Variants in COL6A5 observed in about 807,000 individuals in gnomAD.
COL6A5 encodes collagen alpha-5(VI) chain.
In COL6A5, 48 loss-of-function variants were observed where a neutral mutation model predicts 65.6. The ratio of observed to expected loss-of-function variants is 0.73; its 90% CI spans 0.58 to 0.93. The LOEUF is 0.93. Among genes scored for constraint, COL6A5 ranks in the 40% least tolerant of loss-of-function variants. The probability of loss-of-function intolerance (pLI) is 0.00; values close to 1 mark genes in which losing one functional copy is unlikely to be tolerated. For synonymous variants in COL6A5, 291 were observed against 322.8 expected (o/e 0.90, Z 1.05); for missense variants, 914 against 928.3 (o/e 0.98, Z 0.20).
At position 130,406,327 on chromosome 3, in the gene COL6A5, A is replaced by G. The variant is rs59629559; in HGVS notation, c.4479+6A>G. On this transcript the variant is annotated splice_donor_region_variant and intron_variant and NMD_transcript_variant, in intron 17 of 41. Coordinates refer to the COL6A5 transcript ENST00000312481. ...AAGGTGATCCAGGATCTCAGGTAAC[A>G]CTTTTCTTTTCAATACTTCAAAGAA... is the stretch of plus-strand genomic sequence containing the variant. 1,459 of 1,546,008 alleles carry G rather than the reference A, an allele frequency of 9.4e-4. 11 individuals are homozygous for G. In the African/African-American group the frequency reaches 0.017, roughly 18 times the overall value.
exon 6 of COL6A5, chr3:130,468,890 A>T (rs367822530): frequency 2.5e-5 from 41 of 1,612,164 alleles, no homozygotes; most frequent in Non-Finnish European, 3.5e-5. Flanking sequence ...GGCTTTCCTC[A>T]TAGATGCTTC....
chr3:130,400,085 T>C (rs1936766954), intron 10 of COL6A5, among the ~76,000 whole-genome samples: 1 of 152,190 alleles, frequency 6.6e-6, no homozygotes, highest in African/African-American at 2.4e-5. Context: ...ACAGCCTCAC[T>C]TCTCTCCGTC....
chr3:130,458,274 A>G (rs1338389512), intron 5 of COL6A5, among the ~76,000 whole-genome samples: 2 of 152,126 alleles, frequency 1.3e-5, no homozygotes, highest in East Asian at 3.9e-4. Context: ...CAGATTCCTA[A>G]GCCCTCCTGA....
chr3:130,465,758 C>T (rs191485351), intron 5 of COL6A5, among the ~76,000 whole-genome samples: 10 of 152,078 alleles, frequency 6.6e-5, no homozygotes, highest in East Asian at 1.9e-4. Flanking sequence ...CAAACCACAA[C>T]GGACACAGAT....
chr3:130,426,801 T>C (rs1433758789), upstream of COL6A5, among the ~76,000 whole-genome samples: 1 of 151,134 alleles, frequency 6.6e-6, no homozygotes, highest in Admixed American at 6.6e-5. Context: ...TGCATGGGGG[T>C]AACTGAATCC....
At chr3:130,374,213 T>G (rs947243915) in intron 2 of COL6A5, among the ~76,000 whole-genome samples, 4 of 152,166 alleles carry the variant, frequency 2.6e-5, no homozygotes, top group Admixed American at 2.6e-4. Context: ...GTAAACATCA[T>G]AGAGTATACT....
exon 4 of COL6A5, chr3:130,443,554 A>G: frequency 6.2e-7 from 1 of 1,603,826 alleles, no homozygotes; most frequent in African/African-American, 1.3e-5. Context: ...AATATTCAAA[A>G]TGATGGTTTC....
chr3:130,413,671 A>T, intron 21 of COL6A5, 91 bp downstream of exon 21: 1 of 1,292,636 alleles, frequency 7.7e-7, no homozygotes, highest in East Asian at 2.5e-5. Context: ...ATCAATGAGC[A>T]TTTTACAAGG....
At chr3:130,400,576 G>A (rs1936781339) in intron 10 of COL6A5, among the ~76,000 whole-genome samples, 1 of 152,168 alleles carries the variant, frequency 6.6e-6, no homozygotes, top group Non-Finnish European at 1.5e-5. Flanking sequence ...TGTTCTCAGG[G>A]CTTGGCCTCC....
chr3:130,401,098 T>A (rs1405988062), exon 11 of COL6A5: 16 of 1,551,160 alleles, frequency 1.0e-5, no homozygotes, highest in Non-Finnish European at 1.4e-5. Flanking sequence ...GCTTTGAATT[T>A]GGAAAAAGAT....
At chr3:130,447,641 A>G (rs1709339735) in intron 4 of COL6A5, among the ~76,000 whole-genome samples, 1 of 152,178 alleles carries the variant, frequency 6.6e-6, no homozygotes, top group South Asian at 2.1e-4. Flanking sequence ...AAAGAAGCCA[A>G]TTCAGAATTA....
chr3:130,394,496 G>A (rs1390853101), intron 7 of COL6A5, among the ~76,000 whole-genome samples: 2 of 152,174 alleles, frequency 1.3e-5, no homozygotes, highest in African/African-American at 2.4e-5. Context: ...AGTAATAGGA[G>A]TACTAATAAT....
At chr3:130,451,831 C>G (rs1043492408) in intron 4 of COL6A5, among the ~76,000 whole-genome samples, 1 of 151,984 alleles carries the variant, frequency 6.6e-6, no homozygotes, top group Non-Finnish European at 1.5e-5. Context: ...GGTGGAGGAT[C>G]GTCAGATTCA....
intron 2 of COL6A5, 69 bp from the exon 35 acceptor site, chr3:130,440,097 G>C: frequency 8.0e-7 from 1 of 1,247,602 alleles, no homozygotes; most frequent in Non-Finnish European, 1.1e-6. Flanking sequence ...TGAGTCACTT[G>C]AAGATCTCAA....
At chr3:130,349,907 C>A (rs1407309362) in intron 1 of COL6A5, among the ~76,000 whole-genome samples, 1 of 152,200 alleles carries the variant, frequency 6.6e-6, no homozygotes, top group Non-Finnish European at 1.5e-5. Context: ...ATTCTACCTT[C>A]TTGGCATGGA....
Position 130,439,714 on chromosome 3 carries a change from A to G in COL6A5, c.581+99A>G, listed in dbSNP as rs1709129712. 3.7e-6 allele frequency: 3 copies of G among 821,558 alleles called. No individual in the cohort carries two copies. The Admixed American group carries it at 8.7e-5, about 24-fold the overall frequency. The allele number at this position is 821,558 out of a possible 1,614,324, so 50.9% of individuals were successfully genotyped here. A position where few individuals can be genotyped will look rare whatever the true frequency, so the allele number is the denominator to read the frequency against. Reference sequence around the variant, plus strand: ...TATCCAGAGATTTCTATTTTTAATCATAGGTTCTATTTTCAGTTTTCTAGT... The same window carrying G: ...TATCCAGAGATTTCTATTTTTAATCGTAGGTTCTATTTTCAGTTTTCTAGT... On this transcript the variant is annotated intron_variant, in intron 2 of 7. Transcript: ENST00000512836.
At chr3:130,395,858 C>T (rs960348314) in intron 8 of COL6A5, among the ~76,000 whole-genome samples, 2 of 151,940 alleles carry the variant, frequency 1.3e-5, no homozygotes. Context: ...TACTATTGTA[C>T]CTTTGTTAAG....
intron 22 of COL6A5, 27 bp from the exon 23 acceptor site, chr3:130,415,618 A>G: frequency 1.3e-6 from 2 of 1,529,590 alleles, no homozygotes; most frequent in Non-Finnish European, 1.8e-6. Context: ...ACATAATTGC[A>G]TTGTATTTCC....
chr3:130,474,684 T>C (rs1411389199), intron 7 of COL6A5, among the ~76,000 whole-genome samples: 1 of 151,824 alleles, frequency 6.6e-6, no homozygotes, highest in Non-Finnish European at 1.5e-5. Context: ...CTGGATGAGC[T>C]TAATAGCAGA....
Sources: allele counts gnomAD v4.1 joint callset (sites outside exome capture counted in the v4.1 genomes callset), GRCh38; gene constraint gnomAD v4.1.1; transcripts MANE v1.5; gene names NCBI Gene and HGNC (gene_info 2026-07-23, HGNC 2026-07-21).